The following NBEA variants were observed in gnomAD, a reference collection of about 807,000 sequenced individuals.
NBEA encodes the protein lysosomal-trafficking regulator 2.
Under a neutral mutation model 343.4 loss-of-function variants are expected in NBEA, and 44 were observed. That is an observed-to-expected ratio of 0.13 (90% CI 0.10 to 0.16). The LOEUF (loss-of-function observed/expected upper bound fraction) is 0.16. Among genes scored for constraint, NBEA ranks in the 10% least tolerant of loss-of-function variants. The pLI is 1.00. For missense variants in NBEA, 2,555 were observed against 3,631.3 expected (o/e 0.70, Z 7.62); for synonymous variants, 1,175 against 1,238.7 (o/e 0.95, Z 1.08).
intron 8 of NBEA, among the ~76,000 whole-genome samples, chr13:35,060,776 T>C (rs2063440162): frequency 6.6e-6 from 1 of 151,660 alleles, no homozygotes; most frequent in African/African-American, 2.4e-5. Context: ...AGATTGTGTT[T>C]TGACAGAAGA....
chr13:35,417,574 A>G (rs551859226), intron 38 of NBEA, among the ~76,000 whole-genome samples: 97 of 152,224 alleles, frequency 6.4e-4, no homozygotes, highest in Admixed American at 1.4e-3. Context: ...CCTGAGTTCT[A>G]GTTTGATTGC....
intron 1 of NBEA, among the ~76,000 whole-genome samples, chr13:34,992,190 G>GTA (rs1207702052): frequency 3.8e-4 from 55 of 142,860 alleles, no homozygotes; most frequent in African/African-American, 1.3e-3. Flanking sequence ...ATATGTGTGT[G>GTA]TATATATATG....
chr13:35,574,780 G>A (rs1222713171), intron 45 of NBEA, among the ~76,000 whole-genome samples: 1 of 146,352 alleles, frequency 6.8e-6, no homozygotes, highest in Admixed American at 6.8e-5. Context: ...TTTGAGTTTC[G>A]CTCTTGTTGC....
chr13:35,347,677 CTCCTCCTCCTCT>C (rs960306305), intron 36 of NBEA, among the ~76,000 whole-genome samples: 5 of 151,854 alleles, frequency 3.3e-5, no homozygotes, highest in African/African-American at 1.2e-4. Context: ...CCTCCTCTTC[CTCCTCCTCCTCT>C]TCCTCCTCCA....
At chr13:35,175,802 AAAGTTTCTTGC>A (rs897530889) in intron 27 of NBEA, among the ~76,000 whole-genome samples, 13 of 152,090 alleles carry the variant, frequency 8.5e-5, no homozygotes, top group African/African-American at 3.1e-4. Flanking sequence ...ATGCAGTGGG[AAAGTTTCTTGC>A]AAGTTTCTTG....
chr13:35,316,920 T>A (rs2037778237), intron 36 of NBEA, among the ~76,000 whole-genome samples: 1 of 152,216 alleles, frequency 6.6e-6, no homozygotes, highest in Non-Finnish European at 1.5e-5. Context: ...TTGAGAAGTA[T>A]CTGTTCATAT....
In NBEA at chr13:35,564,512, C is replaced by T. The variant is rs149458765; in HGVS notation, c.6923-2393C>T. On this transcript the variant is annotated intron_variant, in intron 44 of 58. Coordinates refer to ENST00000379939, the MANE Select transcript of NBEA (RefSeq NM_001385012.1). ...ATATAAAAAAAGTACTGAGCCCTAT[C>T]AGGTGTCCTAGGTTAGCATACATAT... Among the ~76,000 whole-genome samples the T allele has an allele frequency of 1.7e-3, 265 of 152,204 alleles. 4 individuals are homozygous for T. In the East Asian group the frequency reaches 0.039, roughly 22 times the overall value.
intron 45 of NBEA, among the ~76,000 whole-genome samples, chr13:35,581,906 A>T (rs866330899): frequency 5.6e-5 from 2 of 35,956 alleles, no homozygotes; most frequent in Non-Finnish European, 1.9e-4. Context: ...AAAAGAAAAG[A>T]AAAAAAAAGA....
At chr13:35,440,440 A>G (rs1335501198) in intron 39 of NBEA, among the ~76,000 whole-genome samples, 2 of 152,336 alleles carry the variant, frequency 1.3e-5, no homozygotes, top group Non-Finnish European at 2.9e-5. Context: ...ATCAAAGTAT[A>G]TTAAAAATGT....
chr13:35,050,109 C>T (rs1260790285), intron 5 of NBEA, among the ~76,000 whole-genome samples, 160 bp from the exon 6 acceptor site: 1 of 147,508 alleles, frequency 6.8e-6, no homozygotes. Context: ...TTACTTATAA[C>T]TAACCTTTTA....
intron 38 of NBEA, among the ~76,000 whole-genome samples, chr13:35,415,887 G>A (rs570779394): frequency 7.7e-4 from 117 of 152,194 alleles, no homozygotes; most frequent in African/African-American, 2.7e-3. Flanking sequence ...TCTTCCATTC[G>A]TTTGTGTCCT....
intron 31 of NBEA, among the ~76,000 whole-genome samples, chr13:35,207,373 A>G (rs1392924485): frequency 6.6e-6 from 1 of 152,050 alleles, no homozygotes; most frequent in Non-Finnish European, 1.5e-5. Flanking sequence ...CAAGTTGGAT[A>G]TTTTAGTACT....
intron 38 of NBEA, among the ~76,000 whole-genome samples, chr13:35,387,189 C>T (rs975839100): frequency 4.1e-4 from 62 of 151,992 alleles, no homozygotes; most frequent in African/African-American, 1.4e-3. Context: ...TATTCTACCT[C>T]CCTAACTAGA....
At chr13:35,460,967 A>T (rs1358193936) in intron 40 of NBEA, among the ~76,000 whole-genome samples, 2 of 152,152 alleles carry the variant, frequency 1.3e-5, no homozygotes, top group Non-Finnish European at 2.9e-5. Context: ...GGGCTGAGGG[A>T]ACTCACATGC....
rs1164704152 is a variant in NBEA at position 35,349,223 on chromosome 13, T to C, written c.6012+7T>C. ...TAAACATGCAGAGTTTGAGGTAAGG[T>C]TTTGGGAGTAGACTAAATTCTGCCT... On this transcript the variant is annotated splice_region_variant and intron_variant, in intron 37 of 58. Transcript: ENST00000379939. 2 of 1,532,400 alleles carry C rather than the reference T, an allele frequency of 1.3e-6. No homozygotes were observed. Among genetic ancestry groups the C allele is most frequent in the Non-Finnish European group, 1.8e-6 (2 of 1,119,656 alleles). The allele number at this position is 1,532,400 out of a possible 1,614,324, so 94.9% of individuals were successfully genotyped here.
At chr13:35,131,559 G>C (rs116990559) in intron 17 of NBEA, among the ~76,000 whole-genome samples, 2,762 of 152,202 alleles carry the variant, frequency 0.018, 40 homozygotes, top group Middle Eastern at 0.034. Context: ...GGTAACATAT[G>C]TCTACTGAAA....
chr13:35,633,577 T>C (rs1593424673), intron 49 of NBEA, among the ~76,000 whole-genome samples: 1 of 151,804 alleles, frequency 6.6e-6, no homozygotes, highest in East Asian at 2.0e-4. Flanking sequence ...ATATTATAAG[T>C]TGTATCACAG....
intron 41 of NBEA, among the ~76,000 whole-genome samples, chr13:35,533,073 A>G (rs1335541275): frequency 1.3e-5 from 2 of 152,018 alleles, no homozygotes; most frequent in Non-Finnish European, 2.9e-5. Context: ...TGCTGCCAAA[A>G]TTTTCTTGAT....
At chr13:35,002,287 A>G (rs538378170) in intron 1 of NBEA, among the ~76,000 whole-genome samples, 6 of 152,268 alleles carry the variant, frequency 3.9e-5, no homozygotes, top group Admixed American at 1.3e-4. Flanking sequence ...GACATACTCA[A>G]TAAGGTTTGG....
Sources: gnomAD v4.1 joint callset for allele counts (sites outside exome capture counted in the v4.1 genomes callset) on GRCh38, gnomAD v4.1.1 for gene constraint, MANE v1.5 for transcripts, NCBI Gene and HGNC (gene_info 2026-07-23, HGNC 2026-07-21) for gene names.